FASTKD2: variants seen among roughly 807,000 people sequenced by gnomAD.
The protein encoded by FASTKD2 is FAST kinase domain-containing protein 2, mitochondrial.
A neutral mutation model predicts 63.6 loss-of-function variants in FASTKD2; 51 were observed. The ratio of observed to expected loss-of-function variants is 0.80; its 90% CI spans 0.64 to 1.01. The LOEUF (loss-of-function observed/expected upper bound fraction) is 1.01, where lower values mean the gene tolerates loss of function less well. FASTKD2 is among the 50% of genes least tolerant of loss of function. FASTKD2 has a pLI of 0.00. For synonymous variants in FASTKD2, 284 were observed against 293.4 expected, an observed-to-expected ratio of 0.97 and a Z score of 0.33; for missense variants, 786 against 831.1, an observed-to-expected ratio of 0.95 and a Z score of 0.67.
rs764930059 is a variant in FASTKD2, at chr2:206,774,194, T to C, written c.1255-31T>C. 6.6e-6 allele frequency: 10 copies of C among 1,506,006 alleles called. No homozygotes were observed. In the South Asian group the frequency reaches 9.2e-5, roughly 14 times the overall value. 93.3% of individuals were successfully genotyped at this position (1,506,006 alleles called of 1,614,324 possible). ...TACTATTAGCATACTGTAATTATTA[T>C]AGAGTTTTCCCTCAATTTTCTCTTT... is the stretch of plus-strand genomic sequence containing the variant. On this transcript the variant is annotated intron_variant, in intron 6 of 11. Transcript: ENST00000402774.
At chr2:206,771,156 T>A in intron 3 of FASTKD2, 26 bp from the exon 4 acceptor site, 2 of 1,300,618 alleles carry the variant, frequency 1.5e-6, no homozygotes, top group Non-Finnish European at 2.2e-6. Flanking sequence ...TTCTATGATT[T>A]TAATATTTAT....
rs963334964 is a variant in FASTKD2, at chr2:206,774,330, A to G, written c.1360A>G (p.Lys454Glu). The G allele has an allele frequency of 1.2e-5, 20 of 1,604,926 alleles. No individual in the cohort carries two copies. Among genetic ancestry groups the G allele is most frequent in the Non-Finnish European group, 1.7e-5 (20 of 1,172,256 alleles). ...IVEDPESLNM[K>E]NILSILHTYS... ...AGAGGATCCTGAATCCCTAAACATGAAAAACATTCTATCTATTCTTCATAC... is the reference window on the plus strand; with the variant it reads ...AGAGGATCCTGAATCCCTAAACATGGAAAACATTCTATCTATTCTTCATAC... The change falls in exon 7 of 12, where the codon AAA (lysine) becomes GAA (glutamate). Residue 454 changes from lysine (K) to glutamate (E), a missense_variant. Transcript: ENST00000402774.
At chr2:206,787,842 A>C in intron 8 of FASTKD2, 95 bp from the exon 9 acceptor site, 1 of 516,372 alleles carries the variant, frequency 1.9e-6, no homozygotes, top group South Asian at 3.2e-5. Flanking sequence ...GTATATATTT[A>C]TTATTTTATA....
Position 206,786,734 on chromosome 2 carries a change from C to T in FASTKD2, c.1429C>T (p.Gln477Ter). Residue 477 changes from glutamine (Q) to a stop codon, truncating the protein, a stop_gained and splice_region_variant, in exon 8 of 12, where the codon CAG becomes TAG. Transcript: ENST00000402774. LOFTEE classifies it high-confidence loss of function. ...AACTGACTTTTCTTTGTTCCCCAGA[C>T]AGTTCGTGGAAGTTATGGCTAGTGC... The part of the protein sequence containing the change: ...NHVYKCQNKE[Q>*]FVEVMASALT... The T allele has an allele frequency of 6.2e-7, 1 of 1,613,648 alleles. No homozygotes were observed. Among genetic ancestry groups the T allele is most frequent in the Non-Finnish European group, 8.5e-7 (1 of 1,179,550 alleles).
chr2:206,786,805 T>C lies in FASTKD2; in HGVS notation c.1500T>C (p.Asp500=). Residue 500 remains aspartate, a synonymous_variant, in exon 8 of 12, where the codon GAT becomes GAC. Coordinates refer to ENST00000402774, the MANE Select transcript of FASTKD2 (RefSeq NM_001136193.2). ...CTATTTCTTCTGAAAACTTATTGGATGCAGTATATTCATTTTGCTTGATGA... is the reference window on the plus strand; with the variant it reads ...CTATTTCTTCTGAAAACTTATTGGACGCAGTATATTCATTTTGCTTGATGA... ...LHTISSENLL[D]AVYSFCLMNY... 1 of 1,613,404 alleles carries C rather than the reference T, an allele frequency of 6.2e-7. No individual in the cohort carries two copies. Among genetic ancestry groups the C allele is most frequent in the Non-Finnish European group, 8.5e-7 (1 of 1,179,326 alleles).
At chr2:206,776,519 A>G (rs1689829114) in intron 7 of FASTKD2, among the ~76,000 whole-genome samples, 1 of 152,026 alleles carries the variant, frequency 6.6e-6, no homozygotes, top group Non-Finnish European at 1.5e-5. Context: ...TTATGTTTAA[A>G]TCTTTAATCC....
At chr2:206,778,859 C>T (rs1358176119) in intron 7 of FASTKD2, among the ~76,000 whole-genome samples, 3 of 152,116 alleles carry the variant, frequency 2.0e-5, no homozygotes, top group Non-Finnish European at 4.4e-5. Flanking sequence ...CTCTAGGTTG[C>T]GTGCTCCTTA....
In FASTKD2 at chr2:206,793,771, A is replaced by G. The variant is rs1574679123; in HGVS notation, c.*1969A>G. Among the ~76,000 whole-genome samples the G allele has an allele frequency of 6.6e-6, 1 of 152,306 alleles. No homozygotes were observed. The highest frequency in any genetic ancestry group is 1.9e-4 in the East Asian group (1 of 5,192). On this transcript the variant is annotated 3_prime_UTR_variant, in exon 12 of 12. Transcript: ENST00000402774. ...GGCATCCCTCTTTTACTAGCATTCTAGTGTTAGCATTCTTCATTGCTTTGT... is the reference window on the plus strand; with the variant it reads ...GGCATCCCTCTTTTACTAGCATTCTGGTGTTAGCATTCTTCATTGCTTTGT...
chr2:206,781,299 CTA>C (rs1260335824), intron 7 of FASTKD2, among the ~76,000 whole-genome samples: 2 of 108,780 alleles, frequency 1.8e-5, no homozygotes, highest in Admixed American at 1.0e-4. Context: ...TAAACTTTTT[CTA>C]TGATTTTTTT....
At position 206,772,258 on chromosome 2, in the gene FASTKD2, G is replaced by T; in HGVS notation, c.1192G>T (p.Asp398Tyr). 6.2e-7 allele frequency: 1 copy of T among 1,613,896 alleles called. No individual in the cohort carries two copies. The highest frequency in any genetic ancestry group is 1.3e-5 in the African/African-American group (1 of 75,030). Residue 398 changes from aspartate (D) to tyrosine (Y), a missense_variant, in exon 6 of 12, where the codon GAT (aspartate) becomes TAT (tyrosine). Physicochemically the swap from Asp to Tyr is radical, Grantham distance 160. Transcript: ENST00000402774. ...CAAAGACCTCCAGTACCATAATTTG[G>T]ATCTCTTCAAGGGACTTGCAGATTA... Reference protein sequence around the residue: ...SCKDLQYHNLDLFKGLADYVA... With the variant: ...SCKDLQYHNLYLFKGLADYVA...
chr2:206,772,270 G>T lies in FASTKD2; in HGVS notation c.1204G>T (p.Gly402Ter). ...GTACCATAATTTGGATCTCTTCAAG[G>T]GACTTGCAGATTATGTGGCTGCAAC... ...LQYHNLDLFK[G>*]LADYVAATFD... Residue 402 changes from glycine to a stop codon, truncating the protein, a stop_gained, in exon 6 of 12, where the codon GGA (glycine) becomes TGA (stop). Transcript: ENST00000402774. LOFTEE classifies it high-confidence loss of function. The T allele has an allele frequency of 6.2e-7, 1 of 1,613,848 alleles. No homozygotes were observed. Among genetic ancestry groups the T allele is most frequent in the Non-Finnish European group, 8.5e-7 (1 of 1,179,770 alleles).
Position 206,780,387 on chromosome 2 carries a change from A to G in FASTKD2, c.1427+5990A>G, listed in dbSNP as rs549853928. On this transcript the variant is annotated intron_variant, in intron 7 of 11. Transcript: ENST00000402774. ...CCAAGTATAGGATTATTGGTTGGCA[A>G]TTTTTCTTTCAGCACTTTGAATACA... 5.3e-5 allele frequency among the ~76,000 whole-genome samples: 8 copies of G among 152,078 alleles called. No individual in the cohort carries two copies. The South Asian group carries it at 1.5e-3, about 28-fold the overall frequency.
intron 7 of FASTKD2, among the ~76,000 whole-genome samples, chr2:206,786,223 G>A (rs1384792968): frequency 1.3e-5 from 2 of 152,174 alleles, no homozygotes; most frequent in Non-Finnish European, 2.9e-5. Context: ...GTTATACTGT[G>A]TACCATTAGC....
intron 7 of FASTKD2, among the ~76,000 whole-genome samples, chr2:206,780,594 T>C (rs1294715062): frequency 6.6e-6 from 1 of 152,194 alleles, no homozygotes; most frequent in Non-Finnish European, 1.5e-5. Context: ...AATGTATGTT[T>C]CTTTGGATTA....
In FASTKD2 at chr2:206,772,047, A is replaced by G. The variant is rs146433757; in HGVS notation, c.1114+30A>G. The stretch of plus-strand genomic sequence containing the variant: ...GAGGAATTTTTCTTTCATCATTTGC[A>G]ATACCTGAGCTTCTGTTTTAGACTA... On this transcript the variant is annotated intron_variant, in intron 5 of 11. Transcript: ENST00000402774. 706 of 1,611,626 alleles carry G rather than the reference A, an allele frequency of 4.4e-4. 4 individuals carry two copies. The African/African-American group carries it at 8.0e-3, about 18-fold the overall frequency.
At chr2:206,774,541 C>T (rs1574666324) in intron 7 of FASTKD2, 144 bp downstream of exon 7, 3 of 634,214 alleles carry the variant, frequency 4.7e-6, no homozygotes, top group East Asian at 2.8e-5. Flanking sequence ...GTTCCTTACT[C>T]ATTTATAAGG....
chr2:206,779,294 T>C (rs752478665), intron 7 of FASTKD2, among the ~76,000 whole-genome samples: 2 of 152,250 alleles, frequency 1.3e-5, no homozygotes, highest in Admixed American at 1.3e-4. Context: ...AGCGAGTATC[T>C]TGTAGACAAG....
chr2:206,778,923 T>G (rs1689894763), intron 7 of FASTKD2, among the ~76,000 whole-genome samples: 1 of 152,188 alleles, frequency 6.6e-6, no homozygotes, highest in Non-Finnish European at 1.5e-5. Flanking sequence ...GGAAAAATTG[T>G]CTTCCATGAA....
At position 206,767,341 on chromosome 2, in the gene FASTKD2, C is replaced by G. The variant is rs762614274; in HGVS notation, c.648C>G (p.Leu216=). The G allele has an allele frequency of 6.2e-7, 1 of 1,614,042 alleles. No individual in the cohort carries two copies. Among genetic ancestry groups the G allele is most frequent in the African/African-American group, 1.3e-5 (1 of 74,938 alleles). ...TTAGCCACCCTGCATTTAATCAGCTCTGTGAACATATGATGAGAGAAGCCA... is the reference window on the plus strand; with the variant it reads ...TTAGCCACCCTGCATTTAATCAGCTGTGTGAACATATGATGAGAGAAGCCA... The part of the protein sequence containing the change: ...LMFSHPAFNQ[L]CEHMMREAKI... The change falls in exon 2 of 12, where the codon CTC becomes CTG. Residue 216 remains leucine (L), a synonymous_variant. Coordinates refer to ENST00000402774, the MANE Select transcript of FASTKD2 (RefSeq NM_001136193.2).
Sources: gnomAD v4.1 joint callset for allele counts (sites outside exome capture counted in the v4.1 genomes callset) on GRCh38, gnomAD v4.1.1 for gene constraint, MANE v1.5 for transcripts, NCBI Gene and HGNC (gene_info 2026-07-23, HGNC 2026-07-21) for gene names.